Variants in CUL1 observed in about 807,000 individuals in gnomAD.
CUL1 encodes cullin-1.
CUL1 carries 24 observed loss-of-function variants against 118.0 expected under a neutral mutation model. That is an observed-to-expected ratio of 0.20 (90% CI 0.15 to 0.29). CUL1 has a LOEUF of 0.29. Ranked by LOEUF, CUL1 falls within the 10% of genes least tolerant of loss-of-function variation. CUL1 has a pLI of 1.00. For missense variants in CUL1, 361 were observed against 933.8 expected, an observed-to-expected ratio of 0.39 and a Z score of 7.99; for synonymous variants, 332 against 340.4, an observed-to-expected ratio of 0.98 and a Z score of 0.27.
Position 148,798,697 on chromosome 7 carries a change from G to C in CUL1, c.2136+20G>C. On this transcript the variant is annotated intron_variant, in intron 20 of 21. Coordinates refer to ENST00000325222, the MANE Select transcript of CUL1 (RefSeq NM_003592.3). Reference sequence around the variant, plus strand: ...ATTCAGGTGACTTATCTGTATGCCTGTGCCAGGTGTGCTGTCCCTCACGCA... The same window carrying C: ...ATTCAGGTGACTTATCTGTATGCCTCTGCCAGGTGTGCTGTCCCTCACGCA... 3.1e-6 allele frequency: 5 copies of C among 1,591,346 alleles called. No individual in the cohort carries two copies. The South Asian group carries it at 4.4e-5, about 14-fold the overall frequency.
intron 7 of CUL1, among the ~76,000 whole-genome samples, 186 bp downstream of exon 7, chr7:148,760,682 T>C (rs1799799092): frequency 6.6e-6 from 1 of 152,232 alleles, no homozygotes; most frequent in African/African-American, 2.4e-5. Flanking sequence ...AATTTGGTAA[T>C]CGTGACTGAG....
intron 1 of CUL1, among the ~76,000 whole-genome samples, chr7:148,729,689 A>G (rs937234772): frequency 1.6e-4 from 24 of 152,158 alleles, no homozygotes; most frequent in Admixed American, 1.3e-3. Context: ...TATATTTTTG[A>G]TAACTTCCGA....
At chr7:148,743,675 G>A (rs943766753) in intron 2 of CUL1, among the ~76,000 whole-genome samples, 3 of 148,692 alleles carry the variant, frequency 2.0e-5, no homozygotes, top group Admixed American at 6.6e-5. Context: ...AGGCCAAGGC[G>A]GGCAGATCGC....
chr7:148,717,277 G>A (rs988510302), intron 1 of CUL1, among the ~76,000 whole-genome samples: 5 of 152,018 alleles, frequency 3.3e-5, no homozygotes, highest in Non-Finnish European at 4.4e-5. Flanking sequence ...GGCTGGTCGC[G>A]AACTCCTGAC....
chr7:148,754,265 G>A (rs1799587174), intron 3 of CUL1, 115 bp downstream of exon 3: 4 of 658,088 alleles, frequency 6.1e-6, no homozygotes, highest in South Asian at 2.2e-5. Flanking sequence ...AGACACTAAC[G>A]TAGGTGACAG....
At chr7:148,763,176 C>A (rs1232955761) in intron 7 of CUL1, among the ~76,000 whole-genome samples, 1 of 151,818 alleles carries the variant, frequency 6.6e-6, no homozygotes, top group Non-Finnish European at 1.5e-5. Context: ...AAAATAAAAC[C>A]AGGCCTGACA....
chr7:148,780,979 C>A (rs539913231), intron 9 of CUL1, among the ~76,000 whole-genome samples: 271 of 151,420 alleles, frequency 1.8e-3, no homozygotes, highest in Middle Eastern at 3.4e-3. Context: ...CCTTAAAATT[C>A]TCTCCCGTAT....
intron 2 of CUL1, among the ~76,000 whole-genome samples, chr7:148,739,027 C>T (rs1165396668): frequency 6.6e-6 from 1 of 152,198 alleles, no homozygotes; most frequent in African/African-American, 2.4e-5. Context: ...CCGGCCCTGT[C>T]CTTTCACACA....
chr7:148,730,843 G>C (rs998400194), intron 2 of CUL1, among the ~76,000 whole-genome samples: 2 of 151,996 alleles, frequency 1.3e-5, no homozygotes, highest in South Asian at 4.1e-4. Flanking sequence ...ACAAGGTCTC[G>C]CTCTGTCACC....
chr7:148,717,826 C>G (rs1584763606), intron 1 of CUL1, among the ~76,000 whole-genome samples: 1 of 152,202 alleles, frequency 6.6e-6, no homozygotes, highest in East Asian at 1.9e-4. Context: ...GCTTCCTGAT[C>G]TTGTAGCCTG....
At chr7:148,740,224 T>TTTG (rs1799099301) in intron 2 of CUL1, among the ~76,000 whole-genome samples, 1 of 152,110 alleles carries the variant, frequency 6.6e-6, no homozygotes, top group Non-Finnish European at 1.5e-5. Flanking sequence ...AGCTAATTTT[T>TTTG]TTGTATTTTT....
chr7:148,776,169 GCAGGAAGACCC>G (rs1157656774), intron 9 of CUL1, among the ~76,000 whole-genome samples: 2 of 83,666 alleles, frequency 2.4e-5, no homozygotes, highest in Admixed American at 2.8e-4. Flanking sequence ...GTAAATTACT[GCAGGAAGACCC>G]CCCTCTGCCT....
chr7:148,749,349 G>A lies in CUL1; in HGVS notation c.141-4627G>A, dbSNP rs192196044. On this transcript the variant is annotated intron_variant, in intron 2 of 21. Coordinates refer to ENST00000325222, the MANE Select transcript of CUL1 (RefSeq NM_003592.3). ...GGAGAATCACTTGAACCCGGGAGGC[G>A]GAGGTTCAGTGAGCCAAGATTGTGC... is the stretch of plus-strand genomic sequence containing the variant. Among the ~76,000 whole-genome samples the A allele has an allele frequency of 1.8e-3, 268 of 147,514 alleles. 1 individual carries two copies. Among genetic ancestry groups the A allele is most frequent in the Non-Finnish European group, 2.8e-3 (190 of 67,292 alleles).
At chr7:148,798,781 C>G in intron 20 of CUL1, 104 bp downstream of exon 20, 1 of 889,756 alleles carries the variant, frequency 1.1e-6, no homozygotes, top group Admixed American at 1.7e-5. Flanking sequence ...GGAGTGATTG[C>G]CAGATGAATG....
At chr7:148,739,281 A>G (rs1799062707) in intron 2 of CUL1, among the ~76,000 whole-genome samples, 1 of 152,178 alleles carries the variant, frequency 6.6e-6, no homozygotes, top group South Asian at 2.1e-4. Context: ...TCCATTTCTG[A>G]TAACATTTCT....
chr7:148,708,648 C>T (rs1433271021), intron 1 of CUL1, among the ~76,000 whole-genome samples: 1 of 152,172 alleles, frequency 6.6e-6, no homozygotes, highest in Non-Finnish European at 1.5e-5. Flanking sequence ...ATCTCATCTT[C>T]ATAAGCTTAA....
intron 9 of CUL1, chr7:148,783,366 G>A (rs1246867801): frequency 1.0e-6 from 1 of 984,994 alleles, no homozygotes; most frequent in Non-Finnish European, 1.2e-6. Flanking sequence ...GCTTTCCCTC[G>A]CGTTGCCTGC....
intron 9 of CUL1, among the ~76,000 whole-genome samples, chr7:148,779,066 G>C (rs1280251102): frequency 6.6e-6 from 1 of 152,158 alleles, no homozygotes; most frequent in Non-Finnish European, 1.5e-5. Context: ...CACACCTCTT[G>C]TATGCCATAT....
intron 1 of CUL1, among the ~76,000 whole-genome samples, chr7:148,702,858 A>G (rs1335080289): frequency 6.6e-6 from 1 of 152,218 alleles, no homozygotes; most frequent in Admixed American, 6.5e-5. Flanking sequence ...CCTTTGGGAC[A>G]GGGACACTGT....
Sources: gnomAD v4.1 joint callset for allele counts (sites outside exome capture counted in the v4.1 genomes callset) on GRCh38, gnomAD v4.1.1 for gene constraint, MANE v1.5 for transcripts, NCBI Gene and HGNC (gene_info 2026-07-23, HGNC 2026-07-21) for gene names.